Variants in SRPK2 observed in about 807,000 individuals in gnomAD.
SRPK2 encodes SFRS protein kinase 2.
A neutral mutation model predicts 90.8 loss-of-function variants in SRPK2; 21 were observed. That is an observed-to-expected ratio of 0.23 (90% CI 0.16 to 0.33). SRPK2 has a LOEUF of 0.33. Ranked by LOEUF, SRPK2 falls within the 10% of genes least tolerant of loss-of-function variation. SRPK2 has a pLI of 1.00. For synonymous variants in SRPK2, 288 were observed against 311.1 expected (o/e 0.93, Z 0.78); for missense variants, 620 against 869.0 (o/e 0.71, Z 3.60).
intron 2 of SRPK2, among the ~76,000 whole-genome samples, chr7:105,227,003 G>A (rs147200106): frequency 0.013 from 1,945 of 152,208 alleles, 43 homozygotes; most frequent in African/African-American, 0.044. Context: ...GCAGCAAATC[G>A]TTTCTCATTG....
At chr7:105,233,080 A>AAAGAAAGGAAAG (rs1799666023) in intron 2 of SRPK2, among the ~76,000 whole-genome samples, 1 of 117,080 alleles carries the variant, frequency 8.5e-6, no homozygotes, top group Non-Finnish European at 1.8e-5. Flanking sequence ...GGAAGGAAGG[A>AAAGAAAGGAAAG]AAGGAAGGAA....
At chr7:105,172,899 T>C (rs1415688395) in intron 3 of SRPK2, among the ~76,000 whole-genome samples, 1 of 152,190 alleles carries the variant, frequency 6.6e-6, no homozygotes, top group Non-Finnish European at 1.5e-5. Flanking sequence ...TAGTATATGT[T>C]TCAGATTCAA....
intron 2 of SRPK2, among the ~76,000 whole-genome samples, chr7:105,293,782 T>C (rs1809408981): frequency 6.6e-6 from 1 of 152,180 alleles, no homozygotes; most frequent in East Asian, 1.9e-4. Context: ...ATGTCCAATG[T>C]TACCTAGCTA....
chr7:105,230,063 A>G (rs1449659089), intron 2 of SRPK2, among the ~76,000 whole-genome samples: 1 of 152,246 alleles, frequency 6.6e-6, no homozygotes, highest in East Asian at 1.9e-4. Context: ...TGCCTCTTCT[A>G]TCCTTAAAAT....
chr7:105,173,179 CACGA>C (rs1255132851), intron 3 of SRPK2, among the ~76,000 whole-genome samples: 1 of 151,942 alleles, frequency 6.6e-6, no homozygotes, highest in Non-Finnish European at 1.5e-5. Context: ...AGTAGAGCAG[CACGA>C]ACAGGGCTTA....
At chr7:105,269,112 G>A (rs961596064) in intron 2 of SRPK2, 7 of 1,125,722 alleles carry the variant, frequency 6.2e-6, no homozygotes, top group Admixed American at 7.8e-5. Flanking sequence ...TTAAAGCAGA[G>A]GGGTGTTTTC....
chr7:105,162,624 G>A (rs1287082573), intron 6 of SRPK2, among the ~76,000 whole-genome samples: 2 of 152,104 alleles, frequency 1.3e-5, no homozygotes, highest in African/African-American at 4.8e-5. Context: ...AAGAATGTAA[G>A]CACTACAGAT....
At chr7:105,213,588 T>A (rs1199879840) in intron 2 of SRPK2, among the ~76,000 whole-genome samples, 1 of 152,136 alleles carries the variant, frequency 6.6e-6, no homozygotes, top group Non-Finnish European at 1.5e-5. Flanking sequence ...GTTTTAAGTG[T>A]CAAATACAGA....
chr7:105,342,025 A>G (rs1815866868), intron 2 of SRPK2, among the ~76,000 whole-genome samples: 1 of 151,986 alleles, frequency 6.6e-6, no homozygotes, highest in Non-Finnish European at 1.5e-5. Flanking sequence ...GCACTTGGGG[A>G]GGCCAAGGTG....
intron 6 of SRPK2, 58 bp downstream of exon 6, chr7:105,167,319 G>T: frequency 1.4e-6 from 2 of 1,431,688 alleles, no homozygotes; most frequent in Non-Finnish European, 2.0e-6. Context: ...ATAGGAGCTT[G>T]AAATATTTTC....
intron 2 of SRPK2, among the ~76,000 whole-genome samples, chr7:105,206,866 T>C (rs1796292107): frequency 1.3e-5 from 2 of 152,230 alleles, no homozygotes. Flanking sequence ...ATCCAACCTG[T>C]ACTGAGGGGC....
intron 2 of SRPK2, among the ~76,000 whole-genome samples, chr7:105,251,158 T>C (rs1428754372): frequency 6.6e-6 from 1 of 152,182 alleles, no homozygotes; most frequent in South Asian, 2.1e-4. Context: ...GACAACGCCA[T>C]AGCAATAAAT....
At chr7:105,263,750 A>C (rs952725396) in intron 2 of SRPK2, among the ~76,000 whole-genome samples, 1 of 152,118 alleles carries the variant, frequency 6.6e-6, no homozygotes, top group Non-Finnish European at 1.5e-5. Flanking sequence ...ACACACACAC[A>C]AAACAAACAA....
chr7:105,350,128 AT>A (rs749102424), intron 2 of SRPK2, among the ~76,000 whole-genome samples: 8,138 of 133,502 alleles, frequency 0.061, 300 homozygotes, highest in Middle Eastern at 0.096. Context: ...AGTTGCTATA[AT>A]TTTTTTTTTT....
At chr7:105,115,693 A>G (rs181190712), downstream of SRPK2, among the ~76,000 whole-genome samples, 441 of 151,310 alleles carry the variant, frequency 2.9e-3, no homozygotes, top group Middle Eastern at 0.01. Flanking sequence ...TCTGTATTAT[A>G]AACTAGTTAG....
At chr7:105,174,208 T>C (rs988115250) in intron 3 of SRPK2, among the ~76,000 whole-genome samples, 1 of 152,170 alleles carries the variant, frequency 6.6e-6, no homozygotes, top group Non-Finnish European at 1.5e-5. Flanking sequence ...CCAAGATTTC[T>C]GTAACTAAAA....
chr7:105,290,641 G>GT (rs1209165215), intron 2 of SRPK2, among the ~76,000 whole-genome samples: 1 of 152,166 alleles, frequency 6.6e-6, no homozygotes, highest in Non-Finnish European at 1.5e-5. Context: ...ACCAGCTTGG[G>GT]TAACACACGC....
At chr7:105,145,739 C>T (rs1804520971) in intron 8 of SRPK2, among the ~76,000 whole-genome samples, 2 of 152,154 alleles carry the variant, frequency 1.3e-5, no homozygotes, top group African/African-American at 4.8e-5. Flanking sequence ...AAATCAAATA[C>T]TGCAGTTGGT....
intron 2 of SRPK2, among the ~76,000 whole-genome samples, chr7:105,284,692 T>C (rs1321509706): frequency 6.6e-6 from 1 of 152,228 alleles, no homozygotes; most frequent in African/African-American, 2.4e-5. Flanking sequence ...ACTTCTCTCA[T>C]TTGTAAATCC....
Sources: gnomAD v4.1 joint callset for allele counts (sites outside exome capture counted in the v4.1 genomes callset) on GRCh38, gnomAD v4.1.1 for gene constraint, MANE v1.5 for transcripts, NCBI Gene and HGNC (gene_info 2026-07-23, HGNC 2026-07-21) for gene names.